Variants in LAMA2 observed in about 807,000 individuals in gnomAD.
LAMA2 encodes the protein laminin subunit alpha 2.
A neutral mutation model predicts 364.8 loss-of-function variants in LAMA2; 269 were observed. That is an observed-to-expected ratio of 0.74 (90% confidence interval 0.67 to 0.82). LAMA2 has a LOEUF of 0.82. Among genes scored for constraint, LAMA2 ranks in the 40% least tolerant of loss-of-function variants. The pLI is 0.00. For synonymous variants in LAMA2, 1,379 were observed against 1,370.6 expected (o/e 1.01, Z -0.14); for missense variants, 3,807 against 3,873.2 (o/e 0.98, Z 0.45).
chr6:129,154,979 C>G lies in LAMA2; in HGVS notation c.1206+296C>G, dbSNP rs575281803. Among the ~76,000 whole-genome samples, 29 of 152,254 alleles carry G rather than the reference C, an allele frequency of 1.9e-4. No homozygotes were observed. The South Asian group carries it at 6.0e-3, about 32-fold the overall frequency. On this transcript the variant is annotated intron_variant, in intron 8 of 64. Transcript: ENST00000421865. Reference sequence around the variant, plus strand: ...ATTAGTTGTGCCTCTTAGAGAATTTCATAAAAATGAAATCATACAGTACAT... The same window carrying G: ...ATTAGTTGTGCCTCTTAGAGAATTTGATAAAAATGAAATCATACAGTACAT...
intron 1 of LAMA2, among the ~76,000 whole-genome samples, chr6:128,930,758 T>G (rs1460904594): frequency 6.6e-6 from 1 of 152,250 alleles, no homozygotes; most frequent in African/African-American, 2.4e-5. Context: ...ATATTAATCT[T>G]TCTGAAATAG....
intron 37 of LAMA2, 57 bp downstream of exon 37, chr6:129,393,312 GTGT>G: frequency 3.9e-6 from 5 of 1,289,666 alleles, no homozygotes; most frequent in Non-Finnish European, 5.6e-6. Flanking sequence ...TGCGGGGGCA[GTGT>G]TGAACATGGC....
intron 14 of LAMA2, among the ~76,000 whole-genome samples, chr6:129,254,360 A>G (rs939160320): frequency 2.6e-5 from 4 of 152,210 alleles, no homozygotes; most frequent in Admixed American, 6.5e-5. Context: ...AAACATAAGT[A>G]TGGCTTTGAC....
chr6:129,451,169 A>G (rs1782656484), intron 45 of LAMA2, among the ~76,000 whole-genome samples: 1 of 152,192 alleles, frequency 6.6e-6, no homozygotes, highest in Middle Eastern at 3.2e-3. Flanking sequence ...TGCCATATTA[A>G]CATCCAAGTA....
At chr6:129,333,714 T>A (rs568034367) in intron 29 of LAMA2, among the ~76,000 whole-genome samples, 5 of 152,286 alleles carry the variant, frequency 3.3e-5, no homozygotes, top group African/African-American at 1.2e-4. Flanking sequence ...CTATACACAT[T>A]CTTAAGCAAG....
chr6:128,947,844 T>G (rs546797440), intron 1 of LAMA2, among the ~76,000 whole-genome samples: 48 of 152,046 alleles, frequency 3.2e-4, no homozygotes, highest in Non-Finnish European at 6.0e-4. Context: ...ATCATTATAA[T>G]ATGAGCAGAA....
chr6:129,282,086 A>C lies in LAMA2; in HGVS notation c.2537+1939A>C, dbSNP rs73776912. On this transcript the variant is annotated intron_variant, in intron 18 of 64. Coordinates refer to ENST00000421865, the MANE Select transcript of LAMA2 (RefSeq NM_000426.4). ...TTTGTGTGATCAGCTTATGCACATC[A>C]TCTAAATAAGACCAGAATTTAAAAA... Among the ~76,000 whole-genome samples, 1,308 of 152,246 alleles carry C rather than the reference A, an allele frequency of 8.6e-3. 16 individuals are homozygous for C. Among genetic ancestry groups the C allele is most frequent in the African/African-American group, 0.03 (1,238 of 41,540 alleles).
At chr6:129,170,675 A>C (rs1013510716) in intron 9 of LAMA2, among the ~76,000 whole-genome samples, 26 of 152,158 alleles carry the variant, frequency 1.7e-4, no homozygotes, top group African/African-American at 5.5e-4. Flanking sequence ...GATGTTTATT[A>C]GGTCCGCTTG....
intron 4 of LAMA2, among the ~76,000 whole-genome samples, chr6:129,107,029 T>C (rs897536024): frequency 6.6e-6 from 1 of 152,018 alleles, no homozygotes; most frequent in Non-Finnish European, 1.5e-5. Flanking sequence ...TCTCTCAGTG[T>C]TGTGGAACAG....
chr6:129,439,385 T>C (rs1440790520), intron 42 of LAMA2, among the ~76,000 whole-genome samples: 4 of 152,162 alleles, frequency 2.6e-5, no homozygotes, highest in Admixed American at 6.6e-5. Flanking sequence ...TTGTCTTCTG[T>C]GTTTCAGCCC....
chr6:129,478,845 A>G (rs1784214290), intron 54 of LAMA2, 32 bp downstream of exon 54: 1 of 1,591,968 alleles, frequency 6.3e-7, no homozygotes, highest in Non-Finnish European at 8.6e-7. Context: ...CTCTAAACAC[A>G]TTTATATCAG....
chr6:129,113,299 G>A (rs76322170), intron 4 of LAMA2, among the ~76,000 whole-genome samples: 4,074 of 151,970 alleles, frequency 0.027, 207 homozygotes, highest in African/African-American at 0.093. Context: ...CAAAACAATC[G>A]GGGGTAATGT....
At chr6:129,443,154 A>C in intron 44 of LAMA2, 86 bp downstream of exon 44, 1 of 1,024,034 alleles carries the variant, frequency 9.8e-7, no homozygotes, top group Non-Finnish European at 1.5e-6. Context: ...CATGTACTAT[A>C]TTTTGGTTTT....
chr6:129,261,050 C>T (rs1278247064), intron 15 of LAMA2, among the ~76,000 whole-genome samples: 2 of 152,098 alleles, frequency 1.3e-5, no homozygotes, highest in Admixed American at 6.6e-5. Flanking sequence ...TTGCCTATAA[C>T]TGAAAATCTG....
chr6:128,924,091 A>T (rs2114495984), intron 1 of LAMA2, among the ~76,000 whole-genome samples: 1 of 152,314 alleles, frequency 6.6e-6, no homozygotes, highest in Non-Finnish European at 1.5e-5. Context: ...ATATAATGGC[A>T]GAAGAAATAT....
At chr6:129,345,794 A>G (rs1041572370) in intron 30 of LAMA2, among the ~76,000 whole-genome samples, 1 of 152,208 alleles carries the variant, frequency 6.6e-6, no homozygotes, top group South Asian at 2.1e-4. Flanking sequence ...AATGGATTTC[A>G]TGAGTCACTT....
intron 18 of LAMA2, among the ~76,000 whole-genome samples, chr6:129,286,973 CAG>C (rs5879941): frequency 9.4e-6 from 1 of 106,030 alleles, no homozygotes. Flanking sequence ...AAGAAAGAAA[CAG>C]AGAGGAAGGA....
chr6:128,987,140 G>GTTTTTTTTTTTTTTTTTTT (rs764115716), intron 1 of LAMA2, among the ~76,000 whole-genome samples: 5 of 121,386 alleles, frequency 4.1e-5, no homozygotes, highest in East Asian at 2.9e-4. Context: ...TTTTTTTTTT[G>GTTTTTTTTTTTTTTTTTTT]TTTTTTTTTT....
chr6:129,381,325 G>C (rs1487307361), intron 34 of LAMA2, among the ~76,000 whole-genome samples: 2 of 139,394 alleles, frequency 1.4e-5, no homozygotes, highest in Non-Finnish European at 3.3e-5. Flanking sequence ...TTTAGACTAC[G>C]AACATCTTTT....
Sources: allele counts gnomAD v4.1 joint callset (sites outside exome capture counted in the v4.1 genomes callset), GRCh38; gene constraint gnomAD v4.1.1; transcripts MANE v1.5; gene names NCBI Gene and HGNC (gene_info 2026-07-23, HGNC 2026-07-21).